Variants in ADGRD1 observed in about 807,000 individuals in gnomAD.
ADGRD1 encodes the protein G-protein coupled receptor 133.
Under a neutral mutation model 113.4 loss-of-function variants are expected in ADGRD1, and 77 were observed. The observed-to-expected ratio is 0.68, with a 90% CI of 0.57 to 0.82. The LOEUF (loss-of-function observed/expected upper bound fraction) is 0.82, where lower values mean the gene tolerates loss of function less well. Ranked by LOEUF, ADGRD1 falls within the 40% of genes least tolerant of loss-of-function variation. The pLI is 0.00. For synonymous variants in ADGRD1, 474 were observed against 475.0 expected (o/e 1.00, Z 0.03); for missense variants, 1,036 against 1,139.1 (o/e 0.91, Z 1.30).
intron 14 of ADGRD1, among the ~76,000 whole-genome samples, chr12:131,078,148 G>A (rs1885787118): frequency 6.6e-6 from 1 of 152,232 alleles, no homozygotes; most frequent in East Asian, 1.9e-4. Context: ...GTCCCCGTCA[G>A]AGAAAGCGTC....
chr12:130,975,004 T>C (rs976808502), intron 4 of ADGRD1, among the ~76,000 whole-genome samples: 2 of 152,160 alleles, frequency 1.3e-5, no homozygotes, highest in Admixed American at 1.3e-4. Context: ...AGAAAAAGGC[T>C]GTTTGGATCC....
intron 13 of ADGRD1, among the ~76,000 whole-genome samples, chr12:131,017,418 A>G (rs1878717575): frequency 7.3e-6 from 1 of 137,284 alleles, no homozygotes; most frequent in South Asian, 2.3e-4. Context: ...CACACAGTCC[A>G]TACCCAGTCC....
chr12:130,972,777 G>T (rs544351867), intron 4 of ADGRD1, among the ~76,000 whole-genome samples: 14 of 152,202 alleles, frequency 9.2e-5, no homozygotes, highest in African/African-American at 3.1e-4. Context: ...TCTCTTTGGA[G>T]TAGAGGCATC....
At chr12:131,028,750 G>A (rs1478848310) in intron 13 of ADGRD1, among the ~76,000 whole-genome samples, 2 of 152,212 alleles carry the variant, frequency 1.3e-5, no homozygotes, top group African/African-American at 2.4e-5. Flanking sequence ...GAGGGGCGAC[G>A]TGGCTGTTTC....
intron 13 of ADGRD1, among the ~76,000 whole-genome samples, chr12:131,053,171 T>G (rs2137051297): frequency 6.6e-6 from 1 of 152,312 alleles, no homozygotes; most frequent in South Asian, 2.1e-4. Flanking sequence ...TTACAGTCCT[T>G]CTGGTAGCTC....
At chr12:131,085,839 C>T (rs747254180) in intron 15 of ADGRD1, among the ~76,000 whole-genome samples, 18 of 152,200 alleles carry the variant, frequency 1.2e-4, no homozygotes, top group African/African-American at 2.4e-4. Context: ...GAAGCAGTGA[C>T]GCCTCCAGCG....
At chr12:131,122,312 C>T (rs1414678236) in intron 20 of ADGRD1, among the ~76,000 whole-genome samples, 3 of 152,084 alleles carry the variant, frequency 2.0e-5, no homozygotes, top group Non-Finnish European at 2.9e-5. Context: ...TACAGAGCTC[C>T]GAGCAGGGCT....
At chr12:131,015,552 T>TTGGAGA (rs372980179) in intron 13 of ADGRD1, among the ~76,000 whole-genome samples, 5 of 83,306 alleles carry the variant, frequency 6.0e-5, no homozygotes, top group African/African-American at 1.6e-4. Flanking sequence ...GGGACTGGAG[T>TTGGAGA]TGGAGATGGA....
intron 6 of ADGRD1, 142 bp downstream of exon 6, chr12:130,987,491 AGT>A: frequency 1.2e-6 from 1 of 844,580 alleles, no homozygotes; most frequent in South Asian, 1.7e-5. Flanking sequence ...TTATAAACAC[AGT>A]TGTGTGTTAG....
intron 13 of ADGRD1, among the ~76,000 whole-genome samples, chr12:131,067,176 A>G (rs1194229581): frequency 2.0e-5 from 3 of 152,110 alleles, no homozygotes; most frequent in Non-Finnish European, 2.9e-5. Context: ...GGGACAGTCC[A>G]GGGCTGGGAG....
rs887847673 is a variant in ADGRD1, at chr12:130,954,374, C to T, written c.-92C>T. 8.8e-7 allele frequency: 1 copy of T among 1,141,990 alleles called. No individual in the cohort carries two copies. Among genetic ancestry groups the T allele is most frequent in the Non-Finnish European group, 1.2e-6 (1 of 803,632 alleles). 70.7% of individuals were successfully genotyped at this position (1,141,990 alleles called of 1,614,324 possible). A position where few individuals can be genotyped will look rare whatever the true frequency, so the allele number is the denominator to read the frequency against. On this transcript the variant is annotated 5_prime_UTR_variant, in exon 1 of 25. Transcript: ENST00000261654. This position sits in a 1 kb window ranked among gnomAD's most constrained non-coding sequence, Gnocchi z 4.7. ...TCTCCCCTGGAACCTGTGAAAATGTCCCTTTTCCAAGGAAGTGAAGGTTAA... is the reference window on the plus strand; with the variant it reads ...TCTCCCCTGGAACCTGTGAAAATGTTCCTTTTCCAAGGAAGTGAAGGTTAA...
At chr12:130,995,525 T>C (rs966265016) in intron 8 of ADGRD1, among the ~76,000 whole-genome samples, 4 of 152,194 alleles carry the variant, frequency 2.6e-5, no homozygotes, top group African/African-American at 9.7e-5. Context: ...ATGGATGGCA[T>C]GGGCCAGACA....
At chr12:131,094,226 G>C (rs1276719989) in intron 15 of ADGRD1, among the ~76,000 whole-genome samples, 2 of 152,170 alleles carry the variant, frequency 1.3e-5, no homozygotes, top group Non-Finnish European at 2.9e-5. Flanking sequence ...TGAGCCATGA[G>C]TATGAGGTCC....
intron 18 of ADGRD1, among the ~76,000 whole-genome samples, chr12:131,115,031 C>T (rs141264650): frequency 6.6e-6 from 1 of 152,198 alleles, no homozygotes. Context: ...TCCAGGCCCC[C>T]CCTTTCTCTG....
chr12:131,092,370 G>A (rs908612117), intron 15 of ADGRD1, among the ~76,000 whole-genome samples: 1 of 152,194 alleles, frequency 6.6e-6, no homozygotes, highest in Non-Finnish European at 1.5e-5. Flanking sequence ...TGGCGCTTGT[G>A]TTCCCCGCTC....
chr12:131,069,700 G>A lies in ADGRD1; in HGVS notation c.1474-7101G>A, dbSNP rs531208661. On this transcript the variant is annotated intron_variant, in intron 13 of 24. Transcript: ENST00000261654. ...AGGTAGTTTATTGGAAGGATAAGGGGAGCACAATGTATCAGAGTGAAGTCA... is the reference window on the plus strand; with the variant it reads ...AGGTAGTTTATTGGAAGGATAAGGGAAGCACAATGTATCAGAGTGAAGTCA... 2.0e-5 allele frequency: 3 copies of A among 152,390 alleles called. No individual in the cohort carries two copies. The South Asian group carries it at 6.3e-4, about 32-fold the overall frequency. 9.4% of individuals were successfully genotyped at this position (152,390 alleles called of 1,614,324 possible).
chr12:131,072,426 C>T (rs1403247620), intron 13 of ADGRD1, among the ~76,000 whole-genome samples: 3 of 152,164 alleles, frequency 2.0e-5, no homozygotes, highest in Admixed American at 6.5e-5. Context: ...CTGGTGCGTC[C>T]CAGGTGGCCA....
intron 2 of ADGRD1, chr12:130,956,528 G>A (rs1029780730): frequency 1.3e-5 from 2 of 152,258 alleles, no homozygotes; most frequent in Admixed American, 6.5e-5. Flanking sequence ...TGGACACCTT[G>A]CTTCTCGTGA....
intron 17 of ADGRD1, among the ~76,000 whole-genome samples, chr12:131,107,419 T>C (rs1000634639): frequency 1.3e-5 from 2 of 150,190 alleles, no homozygotes; most frequent in Non-Finnish European, 3.0e-5. Context: ...AGGGCTCTGA[T>C]GGGTCCTGCT....
Sources: gnomAD v4.1 joint callset for allele counts (sites outside exome capture counted in the v4.1 genomes callset) on GRCh38, gnomAD v4.1.1 for gene constraint, Gnocchi (gnomAD v3.1) non-coding constraint, MANE v1.5 for transcripts, NCBI Gene and HGNC (gene_info 2026-07-23, HGNC 2026-07-21) for gene names.